Variants in LRRC40 observed in about 807,000 individuals in gnomAD.
LRRC40 encodes the protein leucine-rich repeat-containing protein 40.
LRRC40 carries 76 observed loss-of-function variants against 72.8 expected under a neutral mutation model. The observed-to-expected ratio is 1.04, with a 90% CI of 0.87 to 1.26. LRRC40 has a LOEUF of 1.26. LRRC40 is among the 50% of genes most tolerant of loss of function. LRRC40 has a pLI of 0.00. For synonymous variants in LRRC40, 243 were observed against 254.2 expected, an observed-to-expected ratio of 0.96 and a Z score of 0.42; for missense variants, 684 against 698.9, an observed-to-expected ratio of 0.98 and a Z score of 0.24.
At chr1:70,170,456 G>A (rs1667977524) in intron 9 of LRRC40, among the ~76,000 whole-genome samples, 1 of 152,070 alleles carries the variant, frequency 6.6e-6, no homozygotes, top group Non-Finnish European at 1.5e-5. Context: ...ATCTCTATTT[G>A]CAAACAACAT....
In LRRC40 at chr1:70,184,877, T is replaced by C. The variant is rs1470279399; in HGVS notation, c.445A>G (p.Asn149Asp). 6.2e-7 allele frequency: 1 copy of C among 1,608,920 alleles called. No homozygotes were observed. Among genetic ancestry groups the C allele is most frequent in the South Asian group, 1.1e-5 (1 of 90,872 alleles). The change falls in exon 4 of 15, where the codon AAC becomes GAC. Residue 149 changes from asparagine to aspartate, a missense_variant. Physicochemically the swap from Asn to Asp is conservative, Grantham distance 23. Transcript: ENST00000370952. ...TACAGGCACTTCAGGTTTCTTAGGT[T>C]TGTAATTTCTTCAGGGAGTATTTTC... Reference protein sequence around the residue: ...KLKILPEEITNLRNLKCLYLQ... With the variant: ...KLKILPEEITDLRNLKCLYLQ...
chr1:70,189,297 G>GAA, intron 1 of LRRC40, 24 bp from the exon 2 acceptor site: 6 of 770,610 alleles, frequency 7.8e-6, no homozygotes, highest in Admixed American at 5.0e-5. Context: ...CACCACACCA[G>GAA]GAAAAAAAAA....
intron 11 of LRRC40, among the ~76,000 whole-genome samples, chr1:70,153,189 C>T (rs1279943717): frequency 2.0e-5 from 3 of 151,848 alleles, no homozygotes; most frequent in Non-Finnish European, 2.9e-5. Context: ...GGTGAAACTC[C>T]GCCTCTACTA....
intron 11 of LRRC40, among the ~76,000 whole-genome samples, chr1:70,153,830 G>A (rs1667570618): frequency 6.6e-6 from 1 of 151,968 alleles, no homozygotes; most frequent in African/African-American, 2.4e-5. Flanking sequence ...AAAATTAGTG[G>A]GGTGTGGTGG....
At chr1:70,186,930 T>C (rs1668373159) in intron 3 of LRRC40, among the ~76,000 whole-genome samples, 2 of 151,890 alleles carry the variant, frequency 1.3e-5, no homozygotes, top group African/African-American at 2.4e-5. Flanking sequence ...ATTTTTAGAA[T>C]ATCAAGGTAA....
intron 6 of LRRC40, among the ~76,000 whole-genome samples, chr1:70,177,752 G>A (rs1668140933): frequency 6.6e-6 from 1 of 152,124 alleles, no homozygotes; most frequent in African/African-American, 2.4e-5. Flanking sequence ...AATACAGCAT[G>A]GTACTATAAA....
intron 9 of LRRC40, among the ~76,000 whole-genome samples, chr1:70,167,776 G>C (rs542334828): frequency 6.6e-6 from 1 of 151,690 alleles, no homozygotes; most frequent in Non-Finnish European, 1.5e-5. Context: ...CACCACTCCC[G>C]GCTAATTTTT....
chr1:70,169,398 G>C (rs986628489), intron 9 of LRRC40, among the ~76,000 whole-genome samples: 2 of 151,928 alleles, frequency 1.3e-5, no homozygotes, highest in African/African-American at 4.8e-5. Flanking sequence ...GCCCCAGTCA[G>C]TCACAACTGC....
At chr1:70,185,388 G>C (rs1160704097) in intron 3 of LRRC40, among the ~76,000 whole-genome samples, 1 of 152,190 alleles carries the variant, frequency 6.6e-6, no homozygotes, top group African/African-American at 2.4e-5. Flanking sequence ...TCTCGTGGTA[G>C]TGAATAAGTC....
At chr1:70,167,011 T>A (rs1296810797) in intron 9 of LRRC40, among the ~76,000 whole-genome samples, 1 of 152,116 alleles carries the variant, frequency 6.6e-6, no homozygotes, top group Non-Finnish European at 1.5e-5. Context: ...AAGGCAAAGA[T>A]ACATATATGG....
chr1:70,164,601 A>G (rs1319439427), intron 9 of LRRC40, among the ~76,000 whole-genome samples: 5 of 152,188 alleles, frequency 3.3e-5, no homozygotes, highest in Non-Finnish European at 2.9e-5. Flanking sequence ...TGGCAGGCAC[A>G]GTATCATCAC....
chr1:70,176,092 A>T (rs1217420835), intron 6 of LRRC40, 110 bp from the exon 7 acceptor site: 1 of 546,286 alleles, frequency 1.8e-6, no homozygotes, highest in South Asian at 5.6e-5. Context: ...AACACATAGA[A>T]AAAATGCAAC....
chr1:70,190,187 C>A (rs570938186), intron 1 of LRRC40, among the ~76,000 whole-genome samples: 16 of 152,236 alleles, frequency 1.1e-4, no homozygotes, highest in African/African-American at 3.9e-4. Context: ...GAACTTCAAG[C>A]TGGTATTAAT....
At chr1:70,169,770 G>A (rs1188454720) in intron 9 of LRRC40, among the ~76,000 whole-genome samples, 4 of 151,952 alleles carry the variant, frequency 2.6e-5, no homozygotes, top group Non-Finnish European at 4.4e-5. Context: ...TCTATAACAC[G>A]TGAAGAGTAA....
chr1:70,162,899 T>C (rs1169276681), intron 9 of LRRC40, among the ~76,000 whole-genome samples: 2 of 152,208 alleles, frequency 1.3e-5, no homozygotes, highest in Non-Finnish European at 2.9e-5. Context: ...GCATAAATTA[T>C]TTTATGCCCA....
chr1:70,152,720 A>G (rs1036286981), intron 11 of LRRC40, among the ~76,000 whole-genome samples, 177 bp from the exon 12 acceptor site: 1 of 152,106 alleles, frequency 6.6e-6, no homozygotes, highest in Non-Finnish European at 1.5e-5. Context: ...AATAAAAATA[A>G]TTTTTCAAAA....
intron 9 of LRRC40, among the ~76,000 whole-genome samples, chr1:70,172,734 A>AC (rs747426158): frequency 1.3e-5 from 2 of 152,146 alleles, no homozygotes; most frequent in Non-Finnish European, 2.9e-5. Context: ...GCTAAACTAC[A>AC]CAATTATCTT....
chr1:70,181,997 G>A (rs1668257190), intron 4 of LRRC40, among the ~76,000 whole-genome samples: 1 of 151,842 alleles, frequency 6.6e-6, no homozygotes, highest in Non-Finnish European at 1.5e-5. Context: ...CAATGAATAA[G>A]ATTTTCATTT....
intron 1 of LRRC40, among the ~76,000 whole-genome samples, chr1:70,196,798 T>C (rs1157470706): frequency 6.6e-6 from 1 of 152,170 alleles, no homozygotes; most frequent in Admixed American, 6.5e-5. Flanking sequence ...ATGTTCTATA[T>C]CTTGATTGTA....
Sources: allele counts gnomAD v4.1 joint callset (sites outside exome capture counted in the v4.1 genomes callset), GRCh38; gene constraint gnomAD v4.1.1; transcripts MANE v1.5; gene names NCBI Gene and HGNC (gene_info 2026-07-23, HGNC 2026-07-21).